The following NRIP1 variants were observed in gnomAD, a reference collection of about 807,000 sequenced individuals.
NRIP1 encodes nuclear receptor-interacting protein 1.
In NRIP1, 28 loss-of-function variants were observed where a neutral mutation model predicts 75.0. That is an observed-to-expected ratio of 0.37 (90% confidence interval 0.28 to 0.51). The LOEUF (loss-of-function observed/expected upper bound fraction) is 0.51. NRIP1 is among the 20% of genes least tolerant of loss of function. The pLI, the probability that NRIP1 is intolerant of heterozygous loss-of-function variation, is 0.92. For missense variants in NRIP1, 1,435 were observed against 1,343.7 expected (o/e 1.07, Z -1.06); for synonymous variants, 526 against 487.6 (o/e 1.08, Z -1.04).
At chr21:14,968,881 T>C (rs1265494353) in intron 3 of NRIP1, among the ~76,000 whole-genome samples, 2 of 152,200 alleles carry the variant, frequency 1.3e-5, no homozygotes, top group Admixed American at 1.3e-4. Context: ...TATAGCTTTA[T>C]AGCTCTACAG....
At chr21:14,984,726 G>A (rs560471835) in intron 3 of NRIP1, among the ~76,000 whole-genome samples, 8 of 152,278 alleles carry the variant, frequency 5.3e-5, no homozygotes, top group East Asian at 1.9e-4. Context: ...TCAACGTGGC[G>A]AATTTCATTG....
intron 3 of NRIP1, among the ~76,000 whole-genome samples, chr21:14,987,224 A>C (rs1266917222): frequency 6.6e-6 from 1 of 152,236 alleles, no homozygotes; most frequent in Non-Finnish European, 1.5e-5. Context: ...AACGTGCAAA[A>C]GCACTAATAC....
chr21:15,025,189 G>A (rs550839602), intron 2 of NRIP1, among the ~76,000 whole-genome samples: 1 of 152,246 alleles, frequency 6.6e-6, no homozygotes, highest in African/African-American at 2.4e-5. Context: ...CTAAGGGGCA[G>A]GGTGAGGGAC....
intron 1 of NRIP1, among the ~76,000 whole-genome samples, chr21:15,064,294 G>A (rs1200376756): frequency 6.6e-6 from 1 of 152,236 alleles, no homozygotes; most frequent in Non-Finnish European, 1.5e-5. Flanking sequence ...CGGGTATCCA[G>A]CGAGCAAGGA....
chr21:14,974,671 G>C (rs1473372347), intron 3 of NRIP1, among the ~76,000 whole-genome samples: 1 of 152,160 alleles, frequency 6.6e-6, no homozygotes, highest in Non-Finnish European at 1.5e-5. Context: ...TGAAGTTTTT[G>C]CCACAAAACA....
At chr21:15,028,013 C>T (rs573360579) in intron 2 of NRIP1, among the ~76,000 whole-genome samples, 1 of 152,182 alleles carries the variant, frequency 6.6e-6, no homozygotes, top group East Asian at 1.9e-4. Flanking sequence ...AAGCAATAAC[C>T]ACTGCATGTA....
chr21:15,037,204 A>T (rs750640929), intron 2 of NRIP1, among the ~76,000 whole-genome samples: 2 of 152,224 alleles, frequency 1.3e-5, no homozygotes, highest in Non-Finnish European at 2.9e-5. Context: ...ATAATTACCC[A>T]TATCACACTT....
chr21:15,021,345 T>C (rs964018289), intron 2 of NRIP1, among the ~76,000 whole-genome samples: 5 of 152,198 alleles, frequency 3.3e-5, no homozygotes, highest in African/African-American at 4.8e-5. Flanking sequence ...TCCATTTATA[T>C]ATGAAATGTC....
chr21:15,045,118 C>T (rs546054509), intron 1 of NRIP1, among the ~76,000 whole-genome samples: 1 of 152,296 alleles, frequency 6.6e-6, no homozygotes, highest in East Asian at 1.9e-4. Context: ...CCTCCAGTAT[C>T]TTATTTCAAT....
At chr21:15,046,260 T>C (rs1025390598) in intron 1 of NRIP1, among the ~76,000 whole-genome samples, 3 of 152,224 alleles carry the variant, frequency 2.0e-5, no homozygotes, top group African/African-American at 4.8e-5. Context: ...TTGAAATTAC[T>C]CCTTGATCCA....
Position 15,006,028 on chromosome 21 carries a change from A to T in NRIP1, c.-335+8316T>A, listed in dbSNP as rs181594747. ...ATTTATCTCTAGAATTTTCATTTTT[A>T]AAAAAAAATACATGGTTTTAGTTGG... On this transcript the variant is annotated intron_variant, in intron 3 of 3. Transcript: ENST00000318948. Among the ~76,000 whole-genome samples the T allele has an allele frequency of 3.9e-3, 578 of 146,736 alleles. 5 individuals are homozygous for T. Among genetic ancestry groups the T allele is most frequent in the East Asian group, 0.024 (67 of 2,808 alleles).
chr21:15,058,610 T>C (rs957567642), intron 1 of NRIP1, among the ~76,000 whole-genome samples: 3 of 152,352 alleles, frequency 2.0e-5, no homozygotes, highest in African/African-American at 7.2e-5. Context: ...TTTTTCATTC[T>C]GAACTTCTAA....
At chr21:14,997,944 T>C (rs530970496) in intron 3 of NRIP1, among the ~76,000 whole-genome samples, 1 of 152,114 alleles carries the variant, frequency 6.6e-6, no homozygotes, top group African/African-American at 2.4e-5. Flanking sequence ...AGATTTATTT[T>C]CCAGTAATTG....
chr21:14,989,213 T>C (rs1029491990), intron 3 of NRIP1, among the ~76,000 whole-genome samples: 1 of 152,192 alleles, frequency 6.6e-6, no homozygotes, highest in South Asian at 2.1e-4. Context: ...TCACTTTTCC[T>C]ATGGTGCCTT....
chr21:14,988,515 G>A (rs201289829), intron 3 of NRIP1, among the ~76,000 whole-genome samples: 1 of 143,628 alleles, frequency 7.0e-6, no homozygotes, highest in East Asian at 2.0e-4. Context: ...GTGTGTGTGT[G>A]TGTATATATA....
chr21:15,064,400 A>AGAGGGCAAGCGAGC (rs1428369014), intron 1 of NRIP1, among the ~76,000 whole-genome samples: 74 of 152,286 alleles, frequency 4.9e-4, no homozygotes, highest in African/African-American at 1.7e-3. Context: ...TTCGGGACCG[A>AGAGGGCAAGCGAGC]GAGGGCAAGC....
intron 3 of NRIP1, among the ~76,000 whole-genome samples, chr21:15,001,615 A>G (rs1306222947): frequency 2.0e-5 from 3 of 151,230 alleles, no homozygotes; most frequent in African/African-American, 7.4e-5. Flanking sequence ...CGAATAAAAC[A>G]GTATAATGTT....
chr21:15,027,097 C>A (rs1292742075), intron 2 of NRIP1, among the ~76,000 whole-genome samples: 1 of 151,932 alleles, frequency 6.6e-6, no homozygotes, highest in East Asian at 1.9e-4. Context: ...ACCATTTTCG[C>A]AAAACAAAAA....
At chr21:15,061,021 G>A (rs1005542240) in intron 1 of NRIP1, among the ~76,000 whole-genome samples, 5 of 152,086 alleles carry the variant, frequency 3.3e-5, no homozygotes, top group Non-Finnish European at 1.5e-5. Context: ...TACAGGATGA[G>A]CCTGCTCATT....
Sources: gnomAD v4.1 joint callset for allele counts (sites outside exome capture counted in the v4.1 genomes callset) on GRCh38, gnomAD v4.1.1 for gene constraint, MANE v1.5 for transcripts, NCBI Gene and HGNC (gene_info 2026-07-23, HGNC 2026-07-21) for gene names.